The following NEGR1 variants were observed in gnomAD, a reference collection of about 807,000 sequenced individuals.
The protein encoded by NEGR1 is IgLON family member 4.
In NEGR1, 10 loss-of-function variants were observed where a neutral mutation model predicts 40.9. The observed-to-expected ratio is 0.24, with a 90% CI of 0.15 to 0.42. The LOEUF is 0.42. Among genes scored for constraint, NEGR1 ranks in the 10% least tolerant of loss-of-function variants. The pLI is 1.00. For synonymous variants in NEGR1, 185 were observed against 166.8 expected (o/e 1.11, Z -0.84); for missense variants, 352 against 438.9 (o/e 0.80, Z 1.77).
At chr1:71,942,455 C>CTATCTATATATATATATA (rs1342537095) in intron 1 of NEGR1, among the ~76,000 whole-genome samples, 4 of 21,298 alleles carry the variant, frequency 1.9e-4, no homozygotes, top group Non-Finnish European at 3.2e-4. Context: ...TTCTTTAAAT[C>CTATCTATATATATATATA]TATATATATA....
chr1:72,043,036 G>A (rs1167359213), intron 1 of NEGR1, among the ~76,000 whole-genome samples: 2 of 151,864 alleles, frequency 1.3e-5, no homozygotes, highest in African/African-American at 4.8e-5. Flanking sequence ...GCTAGGGGGT[G>A]GGAGTGGCAT....
intron 1 of NEGR1, among the ~76,000 whole-genome samples, chr1:72,092,823 TG>T (rs374904448): frequency 9.9e-4 from 151 of 152,150 alleles, no homozygotes; most frequent in African/African-American, 3.6e-3. Flanking sequence ...GCTAAGTTTT[TG>T]TATTTTTTGT....
chr1:72,187,768 T>G (rs2100423304), intron 1 of NEGR1, among the ~76,000 whole-genome samples: 1 of 151,594 alleles, frequency 6.6e-6, no homozygotes, highest in East Asian at 1.9e-4. Flanking sequence ...TGATCTTTAT[T>G]GATCTTCACC....
At chr1:71,848,682 G>GA (rs1659501183) in intron 2 of NEGR1, among the ~76,000 whole-genome samples, 1 of 152,304 alleles carries the variant, frequency 6.6e-6, no homozygotes, top group African/African-American at 2.4e-5. Context: ...TAAGTGCTTT[G>GA]ATGGACATAC....
At chr1:72,268,487 T>C (rs555724059) in intron 1 of NEGR1, among the ~76,000 whole-genome samples, 1 of 151,506 alleles carries the variant, frequency 6.6e-6, no homozygotes, top group South Asian at 2.1e-4. Flanking sequence ...ACAATGTAAA[T>C]TCAATAGATG....
chr1:71,807,628 A>G (rs1242087854), intron 2 of NEGR1, among the ~76,000 whole-genome samples: 1 of 152,190 alleles, frequency 6.6e-6, no homozygotes, highest in Non-Finnish European at 1.5e-5. Context: ...GCCTCACTTT[A>G]TGCTTTTTCT....
In NEGR1 at chr1:71,568,173, T is replaced by A. The variant is rs921633812; in HGVS notation, c.940+24644A>T. Among the ~76,000 whole-genome samples, 4 of 152,230 alleles carry A rather than the reference T, an allele frequency of 2.6e-5. No individual in the cohort carries two copies. In the South Asian group the frequency reaches 8.3e-4, roughly 31 times the overall value. ...ATTGTCAGTTGGATTATTGACTTCC[T>A]TAGCTGTTTTAGTAAGGTCATTTTA... is the stretch of plus-strand genomic sequence containing the variant. On this transcript the variant is annotated intron_variant, in intron 6 of 6. Transcript: ENST00000357731.
chr1:71,489,787 T>G (rs1309925171), intron 6 of NEGR1: 1 of 151,912 alleles, frequency 6.6e-6, no homozygotes, highest in Non-Finnish European at 1.5e-5. Flanking sequence ...TTCAAGCCAA[T>G]TTAAGTTACT....
chr1:72,042,043 C>G (rs1034600641), intron 1 of NEGR1, among the ~76,000 whole-genome samples: 1 of 147,032 alleles, frequency 6.8e-6, no homozygotes, highest in South Asian at 2.1e-4. Context: ...ATATATATAT[C>G]TATTTGAGAA....
intron 3 of NEGR1, among the ~76,000 whole-genome samples, chr1:71,727,600 C>A (rs1258721187): frequency 6.6e-6 from 1 of 152,104 alleles, no homozygotes; most frequent in Non-Finnish European, 1.5e-5. Flanking sequence ...AGAACAGAGT[C>A]CATTTTCTTC....
chr1:72,117,770 A>T lies in NEGR1; in HGVS notation c.176+164549T>A, dbSNP rs144107658. Reference sequence around the variant, plus strand: ...CTGGGGGTGGACACCTGCTAGTTTAACATTCTTTATATAGGCCAGACTGTA... The same window carrying T: ...CTGGGGGTGGACACCTGCTAGTTTATCATTCTTTATATAGGCCAGACTGTA... On this transcript the variant is annotated intron_variant, in intron 1 of 6. Transcript: ENST00000357731. 1.3e-3 allele frequency among the ~76,000 whole-genome samples: 197 copies of T among 151,922 alleles called. No individual in the cohort carries two copies. The Middle Eastern group carries it at 0.014, about 10-fold the overall frequency.
intron 2 of NEGR1, among the ~76,000 whole-genome samples, chr1:71,912,813 T>C (rs1661456208): frequency 6.6e-6 from 1 of 152,154 alleles, no homozygotes; most frequent in African/African-American, 2.4e-5. Flanking sequence ...TACATGTGTG[T>C]GTATATATAT....
chr1:72,171,547 G>A lies in NEGR1; in HGVS notation c.176+110772C>T, dbSNP rs574227541. Among the ~76,000 whole-genome samples the A allele has an allele frequency of 1.1e-3, 164 of 152,192 alleles. 1 individual carries two copies. Among genetic ancestry groups the A allele is most frequent in the African/African-American group, 3.6e-3 (150 of 41,538 alleles). ...TTGAAGTTTAGTCAAGTTATTTTTC[G>A]CTGTGAGTTCTTTGTCTGCTGTTAC... On this transcript the variant is annotated intron_variant, in intron 1 of 6. Transcript: ENST00000357731.
chr1:72,100,242 T>C (rs1648882033), intron 1 of NEGR1, among the ~76,000 whole-genome samples: 1 of 152,186 alleles, frequency 6.6e-6, no homozygotes. Context: ...AACGTCCCCA[T>C]GGAAAGTTTT....
chr1:72,246,170 C>T (rs1401977605), intron 1 of NEGR1, among the ~76,000 whole-genome samples: 1 of 142,938 alleles, frequency 7.0e-6, no homozygotes, highest in Non-Finnish European at 1.5e-5. Flanking sequence ...AATAATTTTA[C>T]TTCCAGTCTT....
chr1:71,967,672 A>T (rs6659791), intron 1 of NEGR1, among the ~76,000 whole-genome samples: 19,759 of 152,184 alleles, frequency 0.13, 1,678 homozygotes, highest in East Asian at 0.43. Flanking sequence ...ACACACAAAT[A>T]AAAATAAGTG....
chr1:71,429,479 G>T (rs796524536), intron 6 of NEGR1, among the ~76,000 whole-genome samples: 7 of 152,250 alleles, frequency 4.6e-5, no homozygotes, highest in African/African-American at 1.7e-4. Flanking sequence ...CTAATAGCCT[G>T]AGCCAAGTCA....
intron 3 of NEGR1, among the ~76,000 whole-genome samples, chr1:71,700,635 T>C (rs1302284545): frequency 2.0e-5 from 3 of 151,948 alleles, no homozygotes; most frequent in Non-Finnish European, 4.4e-5. Context: ...CATAAGAAAA[T>C]ACCACAACTT....
chr1:72,064,733 A>T (rs1647233676), intron 1 of NEGR1, among the ~76,000 whole-genome samples: 1 of 152,138 alleles, frequency 6.6e-6, no homozygotes, highest in Non-Finnish European at 1.5e-5. Flanking sequence ...TATTGCTACC[A>T]ACCTTGATAC....
Sources: gnomAD v4.1 joint callset for allele counts (sites outside exome capture counted in the v4.1 genomes callset) on GRCh38, gnomAD v4.1.1 for gene constraint, MANE v1.5 for transcripts, NCBI Gene and HGNC (gene_info 2026-07-23, HGNC 2026-07-21) for gene names.